PCDHGB2: variants seen among roughly 807,000 people sequenced by gnomAD.
PCDHGB2 encodes protocadherin gamma subfamily B, 2.
Under a neutral mutation model 59.3 loss-of-function variants are expected in PCDHGB2, and 55 were observed. The ratio of observed to expected loss-of-function variants is 0.93; its 90% CI spans 0.75 to 1.16. The LOEUF is 1.16. Among genes scored for constraint, PCDHGB2 ranks in the 50% most tolerant of loss-of-function variants. The pLI is 0.00. For synonymous variants in PCDHGB2, 516 were observed against 512.0 expected (o/e 1.01, Z -0.11); for missense variants, 1,228 against 1,198.5 (o/e 1.02, Z -0.36).
intron 1 of PCDHGB2, chr5:141,364,342 A>G: frequency 6.5e-7 from 1 of 1,540,308 alleles, no homozygotes; most frequent in Non-Finnish European, 8.7e-7. Flanking sequence ...TGGCGAGTCC[A>G]CCTAGGGGCT....
At chr5:141,405,251 C>T (rs1462013657) in intron 1 of PCDHGB2, 1 of 1,614,124 alleles carries the variant, frequency 6.2e-7, no homozygotes, top group Admixed American at 1.7e-5. Context: ...AAGGAAGAGT[C>T]ACCTGATCTT....
At position 141,432,644 on chromosome 5, in the gene PCDHGB2, G is replaced by A; in HGVS notation, c.2422-62163G>A. The A allele has an allele frequency of 1.2e-6, 2 of 1,613,812 alleles. No homozygotes were observed. The highest frequency in any genetic ancestry group is 1.7e-6 in the Non-Finnish European group (2 of 1,179,942). ...TCTGCACACGGGCGAGGTGCGCACG[G>A]CGCGAGCCCTGCTGGACAGAGACGC... On this transcript the variant is annotated intron_variant, in intron 1 of 3. Coordinates refer to ENST00000522605, the MANE Select transcript of PCDHGB2 (RefSeq NM_018923.3). The surrounding 1 kb of genome is among the most constrained non-coding windows in gnomAD (Gnocchi z 6.0).
Position 141,377,206 on chromosome 5 carries a change from C to T in PCDHGB2, c.2421+14650C>T, listed in dbSNP as rs192772101. The T allele has an allele frequency of 1.8e-4, 28 of 152,284 alleles. No individual in the cohort carries two copies. In the East Asian group the frequency reaches 2.5e-3, roughly 14 times the overall value. 9.4% of individuals were successfully genotyped at this position (152,284 alleles called of 1,614,324 possible). ...AACTATTTGTGTCTTGGATTGAGTA[C>T]ATCTCGTTTCTTAGGTTTTTTCCTA... On this transcript the variant is annotated intron_variant, in intron 1 of 3. Coordinates refer to ENST00000522605, the MANE Select transcript of PCDHGB2 (RefSeq NM_018923.3).
intron 2 of PCDHGB2, among the ~76,000 whole-genome samples, chr5:141,495,663 G>T (rs756466649): frequency 6.6e-6 from 1 of 152,050 alleles, no homozygotes; most frequent in African/African-American, 2.4e-5. Context: ...GATCTGTGCC[G>T]CCCACTGTGC....
intron 1 of PCDHGB2, among the ~76,000 whole-genome samples, chr5:141,449,891 A>G (rs2098658520): frequency 6.6e-6 from 1 of 151,872 alleles, no homozygotes; most frequent in Non-Finnish European, 1.5e-5. Flanking sequence ...CAATATAATT[A>G]TTTAGCCTAT....
At chr5:141,437,460 T>C (rs2097886220) in intron 1 of PCDHGB2, among the ~76,000 whole-genome samples, 1 of 152,230 alleles carries the variant, frequency 6.6e-6, no homozygotes, top group South Asian at 2.1e-4. Flanking sequence ...GAGACTATAC[T>C]ATACTTTTAT....
At chr5:141,508,570 C>T (rs1164806696) in intron 3 of PCDHGB2, among the ~76,000 whole-genome samples, 21 of 152,198 alleles carry the variant, frequency 1.4e-4, no homozygotes. Context: ...GTCACTTGCA[C>T]CCACTCGGGG....
intron 1 of PCDHGB2, chr5:141,395,493 A>T: frequency 2.0e-6 from 1 of 490,474 alleles, no homozygotes; most frequent in Non-Finnish European, 3.5e-6. Context: ...ATTATCACTC[A>T]TTCACTTAAG....
intron 1 of PCDHGB2, chr5:141,427,597 T>C: frequency 1.5e-6 from 1 of 682,152 alleles, no homozygotes; most frequent in Non-Finnish European, 2.7e-6. Context: ...AGCCTCACCC[T>C]ACGCATTGGT....
chr5:141,430,276 G>C (rs2097271928), intron 1 of PCDHGB2, among the ~76,000 whole-genome samples: 1 of 151,720 alleles, frequency 6.6e-6, no homozygotes, highest in South Asian at 2.1e-4. Context: ...TGTGTTGGGG[G>C]AACAGTAATC....
In PCDHGB2 at chr5:141,431,280, C is replaced by T. The variant is rs2097357763; in HGVS notation, c.2422-63527C>T. The T allele has an allele frequency of 1.9e-6, 3 of 1,614,146 alleles. No homozygotes were observed. Among genetic ancestry groups the T allele is most frequent in the South Asian group, 1.1e-5 (1 of 91,088 alleles). ...TCTCTGCAGAGCTACGAGCTCAGCC[C>T]GAACACTCACTTCTCCCTCATCGTG... On this transcript the variant is annotated intron_variant, in intron 1 of 3. Transcript: ENST00000522605. This position sits in a 1 kb window ranked among gnomAD's most constrained non-coding sequence, Gnocchi z 4.8.
chr5:141,491,227 C>T lies in PCDHGB2; in HGVS notation c.2422-3580C>T. 6.2e-7 allele frequency: 1 copy of T among 1,614,216 alleles called. No homozygotes were observed. The highest frequency in any genetic ancestry group is 8.5e-7 in the Non-Finnish European group (1 of 1,180,018). On this transcript the variant is annotated intron_variant, in intron 1 of 3. Coordinates refer to ENST00000522605, the MANE Select transcript of PCDHGB2 (RefSeq NM_018923.3). The surrounding 1 kb of genome is among the most constrained non-coding windows in gnomAD (Gnocchi z 6.9). Reference sequence around the variant, plus strand: ...TTCACTCTCCTCCACAGCCACAGTGCTGCTGGTTCTGGAGGATGAGGACCC... The same window carrying T: ...TTCACTCTCCTCCACAGCCACAGTGTTGCTGGTTCTGGAGGATGAGGACCC...
rs2099748179 is a variant in PCDHGB2 at position 141,493,421 on chromosome 5, T to G, written c.2422-1386T>G. Among the ~76,000 whole-genome samples the G allele has an allele frequency of 6.6e-6, 1 of 152,182 alleles. No individual in the cohort carries two copies. Among genetic ancestry groups the G allele is most frequent in the South Asian group, 2.1e-4 (1 of 4,830 alleles). On this transcript the variant is annotated intron_variant, in intron 1 of 3. Coordinates refer to ENST00000522605, the MANE Select transcript of PCDHGB2 (RefSeq NM_018923.3). The surrounding 1 kb of genome is among the most constrained non-coding windows in gnomAD (Gnocchi z 4.3). Reference sequence around the variant, plus strand: ...GGAGTTGCCTCTGCTGGGATTTTGCTTCTGCTGGGATGGGGCAAGGGTGGG... The same window carrying G: ...GGAGTTGCCTCTGCTGGGATTTTGCGTCTGCTGGGATGGGGCAAGGGTGGG...
intron 1 of PCDHGB2, among the ~76,000 whole-genome samples, chr5:141,362,816 G>C (rs1253772820): frequency 1.3e-5 from 2 of 152,090 alleles, no homozygotes; most frequent in Non-Finnish European, 2.9e-5. Flanking sequence ...ACTTCTCTCT[G>C]CAGATTTGTT....
At chr5:141,510,818 A>C in intron 3 of PCDHGB2, 129 bp from the exon 4 acceptor site, 1 of 1,551,540 alleles carries the variant, frequency 6.4e-7, no homozygotes, top group Non-Finnish European at 8.7e-7. Context: ...TGACCCCTAT[A>C]TTCCCAGTGC....
intron 1 of PCDHGB2, chr5:141,395,547 TGTGTGTGTGTGTGTGTG>T (rs2093270399): frequency 1.4e-4 from 25 of 174,246 alleles, no homozygotes; most frequent in Middle Eastern, 2.2e-3. Context: ...ATTGTTTGTG[TGTGTGTGTGTGTGTGTG>T]TGTGTGTGTG....
chr5:141,413,965 C>G (rs2095696868), intron 1 of PCDHGB2: 2 of 1,613,292 alleles, frequency 1.2e-6, no homozygotes, highest in East Asian at 2.2e-5. Context: ...TGTGGGCACT[C>G]AGCTGCTGAC....
intron 1 of PCDHGB2, chr5:141,394,449 A>T: frequency 6.2e-7 from 1 of 1,614,230 alleles, no homozygotes; most frequent in Non-Finnish European, 8.5e-7. Context: ...CAGCAGCAAC[A>T]TGTCACTGAG....
Position 141,490,820 on chromosome 5 carries a change from T to G in PCDHGB2, c.2422-3987T>G. On this transcript the variant is annotated intron_variant, in intron 1 of 3. Transcript: ENST00000522605. The surrounding 1 kb of genome is among the most constrained non-coding windows in gnomAD (Gnocchi z 5.4). ...CAGCGTACCTTTGACTATGAATTGC[T>G]GCAGATGCTGCAGATTGTGGTGGGG... 6.2e-7 allele frequency: 1 copy of G among 1,613,820 alleles called. No homozygotes were observed. Among genetic ancestry groups the G allele is most frequent in the Non-Finnish European group, 8.5e-7 (1 of 1,179,768 alleles).
Sources: gnomAD v4.1 joint callset for allele counts (sites outside exome capture counted in the v4.1 genomes callset) on GRCh38, gnomAD v4.1.1 for gene constraint, Gnocchi (gnomAD v3.1) non-coding constraint, MANE v1.5 for transcripts, NCBI Gene and HGNC (gene_info 2026-07-23, HGNC 2026-07-21) for gene names.